The following TUBGCP5 variants were observed in gnomAD, a reference collection of about 807,000 sequenced individuals.
TUBGCP5 encodes gamma-tubulin complex component 5.
In TUBGCP5, 98 loss-of-function variants were observed where a neutral mutation model predicts 134.7. The ratio of observed to expected loss-of-function variants is 0.73; its 90% CI spans 0.62 to 0.86. The LOEUF (loss-of-function observed/expected upper bound fraction) is 0.86. Ranked by LOEUF, TUBGCP5 falls within the 40% of genes least tolerant of loss-of-function variation. TUBGCP5 has a pLI of 0.00. For synonymous variants in TUBGCP5, 456 were observed against 431.4 expected (o/e 1.06, Z -0.71); for missense variants, 1,150 against 1,244.8 (o/e 0.92, Z 1.15).
rs749348931 is a variant in TUBGCP5, at chr15:23,006,358, GA to G, written c.2328-7del. On this transcript the variant is annotated splice_region_variant and splice_polypyrimidine_tract_variant and intron_variant, in intron 16 of 22. Transcript: ENST00000615383. ...TTTCAAAAGATATAGATAGACTAAA[GA>G]AAGAAATTCCAGTTTTAGTTTGTGA... The G allele has an allele frequency of 6.3e-7, 1 of 1,586,284 alleles. No individual in the cohort carries two copies. Among genetic ancestry groups the G allele is most frequent in the African/African-American group, 1.4e-5 (1 of 73,328 alleles).
At position 23,024,247 on chromosome 15, in the gene TUBGCP5, A is replaced by G. The variant is rs1422276662; in HGVS notation, c.922-54T>C. Reference sequence around the variant, plus strand: ...AAAGGTGGTCTTCTGTAAACATTCAAATTCATTTCCCTCTCGCTGTAAAAT... The same window carrying G: ...AAAGGTGGTCTTCTGTAAACATTCAGATTCATTTCCCTCTCGCTGTAAAAT... On this transcript the variant is annotated intron_variant, in intron 9 of 22. Transcript: ENST00000615383. 2.0e-5 allele frequency: 32 copies of G among 1,580,266 alleles called. No homozygotes were observed. In the Admixed American group the frequency reaches 5.8e-4, roughly 29 times the overall value.
intron 23 of TUBGCP5, chr15:22,983,646 A>T (rs1483525043): frequency 6.6e-6 from 1 of 152,138 alleles, no homozygotes; most frequent in Non-Finnish European, 1.5e-5. Context: ...TAGACACAGT[A>T]AGACATTAAC....
At chr15:23,000,236 A>T (rs1342440474) in intron 22 of TUBGCP5, 23 of 1,204,512 alleles carry the variant, frequency 1.9e-5, no homozygotes, top group African/African-American at 1.2e-4. Context: ...AAAAATTTTT[A>T]AAAAGACTAG....
At chr15:22,997,851 C>T (rs1271257694), downstream of TUBGCP5, among the ~76,000 whole-genome samples, 1 of 149,860 alleles carries the variant, frequency 6.7e-6, no homozygotes, top group Admixed American at 6.7e-5. Context: ...CTCCTGACCT[C>T]ATGATCCACC....
At chr15:22,998,545 A>C (rs904199305), downstream of TUBGCP5, among the ~76,000 whole-genome samples, 19 of 151,014 alleles carry the variant, frequency 1.3e-4, no homozygotes, top group Non-Finnish European at 2.2e-4. Context: ...TGCAGCCTTG[A>C]CCTCCCGGTC....
chr15:22,997,537 C>T (rs1404815721), downstream of TUBGCP5, among the ~76,000 whole-genome samples: 2 of 152,026 alleles, frequency 1.3e-5, no homozygotes, highest in East Asian at 3.9e-4. Context: ...GTGTTAATTT[C>T]CCATGTTTGC....
chr15:23,005,275 C>A (rs979130496), intron 19 of TUBGCP5, among the ~76,000 whole-genome samples, 157 bp downstream of exon 19: 3 of 152,204 alleles, frequency 2.0e-5, no homozygotes, highest in African/African-American at 7.2e-5. Flanking sequence ...CAAAAACATT[C>A]CTCCCACTGC....
Position 23,019,431 on chromosome 15 carries a change from T to A in TUBGCP5, c.1372-97A>T, listed in dbSNP as rs920959236. 5.2e-6 allele frequency: 4 copies of A among 770,248 alleles called. No homozygotes were observed. The African/African-American group carries it at 5.2e-5, about 10-fold the overall frequency. 47.7% of individuals were successfully genotyped at this position (770,248 alleles called of 1,614,324 possible). A position where few individuals can be genotyped will look rare whatever the true frequency, so the allele number is the denominator to read the frequency against. ...TTCTGAAATGCCTTTAAAAAAGTGA[T>A]CGGATTTCTATGTTTTTTGGGGCAC... On this transcript the variant is annotated intron_variant, in intron 11 of 22. Coordinates refer to ENST00000615383, the MANE Select transcript of TUBGCP5 (RefSeq NM_052903.6).
chr15:23,031,146 AT>A (rs1171652725), intron 5 of TUBGCP5, 126 bp from the exon 6 acceptor site: 70 of 912,608 alleles, frequency 7.7e-5, no homozygotes, highest in South Asian at 8.8e-5. Flanking sequence ...AGAAAAACAA[AT>A]TTTTTTTTCC....
chr15:23,011,233 G>A lies in TUBGCP5; in HGVS notation c.1855C>T (p.Gln619Ter). ...TTCATCAGGTTCTCCTTGGTTGCCTGTTGCTCAGTAAGAACCTGTGGAGTG... is the reference window on the plus strand; with the variant it reads ...TTCATCAGGTTCTCCTTGGTTGCCTATTGCTCAGTAAGAACCTGTGGAGTG... ...DSTPQVLTEQ[Q>*]ATKENLMKMQ... Residue 619 changes from glutamine (Q) to a stop codon, truncating the protein, a stop_gained, in exon 14 of 23, where the codon CAG becomes TAG. Coordinates refer to ENST00000615383, the MANE Select transcript of TUBGCP5 (RefSeq NM_052903.6). LOFTEE classifies it high-confidence loss of function. 1 of 1,613,918 alleles carries A rather than the reference G, an allele frequency of 6.2e-7. No individual in the cohort carries two copies. Among genetic ancestry groups the A allele is most frequent in the Non-Finnish European group, 8.5e-7 (1 of 1,179,978 alleles).
At chr15:23,030,599 AT>A (rs1202825556) in intron 6 of TUBGCP5, among the ~76,000 whole-genome samples, 6 of 143,860 alleles carry the variant, frequency 4.2e-5, no homozygotes, top group African/African-American at 7.7e-5. Context: ...TCCTTCTCCA[AT>A]TAAAAAAAAA....
intron 3 of TUBGCP5, among the ~76,000 whole-genome samples, chr15:23,034,716 G>T (rs28884540): frequency 4.6e-5 from 7 of 152,020 alleles, no homozygotes; most frequent in African/African-American, 1.2e-4. Flanking sequence ...AAAATTAGCC[G>T]GGCGGGGTGG....
At chr15:23,012,844 C>T (rs900094566) in intron 13 of TUBGCP5, among the ~76,000 whole-genome samples, 1 of 152,128 alleles carries the variant, frequency 6.6e-6, no homozygotes, top group African/African-American at 2.4e-5. Flanking sequence ...TGGTGGCTCA[C>T]GCTTGTAATC....
At chr15:23,034,231 A>C (rs1009487354) in intron 3 of TUBGCP5, among the ~76,000 whole-genome samples, 10 of 152,168 alleles carry the variant, frequency 6.6e-5, no homozygotes, top group Non-Finnish European at 1.2e-4. Context: ...TGCCTAAGAG[A>C]TAAGCCCCCA....
rs10632423 is a variant in TUBGCP5 at position 23,030,601 on chromosome 15, TA to T, written c.622+283del. 0.13 allele frequency among the ~76,000 whole-genome samples: 15,708 copies of T among 119,400 alleles called. 1,086 individuals are homozygous for T. Among genetic ancestry groups the T allele is most frequent in the South Asian group, 0.22 (863 of 3,840 alleles). 78.3% of individuals were successfully genotyped at this position (119,400 alleles called of 152,430 possible). On this transcript the variant is annotated intron_variant, in intron 6 of 22. Coordinates refer to ENST00000615383, the MANE Select transcript of TUBGCP5 (RefSeq NM_052903.6). ...TTAGCAAAATCAGTCCTTCTCCAAT[TA>T]AAAAAAAAAAAAAAAAAGGAAACAT...
At chr15:23,007,054 G>A (rs1316074495) in intron 16 of TUBGCP5, among the ~76,000 whole-genome samples, 1 of 152,140 alleles carries the variant, frequency 6.6e-6, no homozygotes, top group Non-Finnish European at 1.5e-5. Context: ...CCAAATCAGA[G>A]ATGTCACAGG....
chr15:23,008,393 A>G (rs2064847040), intron 16 of TUBGCP5: 1 of 349,668 alleles, frequency 2.9e-6, no homozygotes, highest in Non-Finnish European at 5.3e-6. Flanking sequence ...CAGCCTCCCA[A>G]ATAGCCAGGA....
chr15:23,011,308 T>G lies in TUBGCP5; in HGVS notation c.1780A>C (p.Thr594Pro), dbSNP rs1452089977. The change falls in exon 14 of 23, where the codon ACT becomes CCT. Residue 594 changes from threonine (T) to proline (P), a missense_variant. By Grantham distance (38) the Thr-to-Pro change is conservative. Transcript: ENST00000615383. Reference protein sequence around the residue: ...ARDAERKSLYTLFLESVQSRL... With the variant: ...ARDAERKSLYPLFLESVQSRL... ...GACTGTACAGATTCCAGAAAGAGAG[T>G]GTATAAACTTTTTCTTTCTGCATCT... 6.2e-7 allele frequency: 1 copy of G among 1,611,144 alleles called. No individual in the cohort carries two copies. Among genetic ancestry groups the G allele is most frequent in the Admixed American group, 1.7e-5 (1 of 59,614 alleles).
At position 22,991,483 on chromosome 15, in the gene TUBGCP5, TAG is replaced by T. The variant is rs552349130; in HGVS notation, c.*61+5360_*61+5361del. Among the ~76,000 whole-genome samples, 23 of 152,328 alleles carry T rather than the reference TAG, an allele frequency of 1.5e-4. No individual in the cohort carries two copies. In the South Asian group the frequency reaches 1.9e-3, roughly 12 times the overall value. On this transcript the variant is annotated intron_variant and NMD_transcript_variant, in intron 23 of 23. Coordinates refer to the TUBGCP5 transcript ENST00000614508. ...GCTGGCTAAGCTGACCCAGGTTTACTAGAGTTCTTCCTGTGTTTCTGCAAGAC... is the reference window on the plus strand; with the variant it reads ...GCTGGCTAAGCTGACCCAGGTTTACTAGTTCTTCCTGTGTTTCTGCAAGAC...
Sources: gnomAD v4.1 joint callset for allele counts (sites outside exome capture counted in the v4.1 genomes callset) on GRCh38, gnomAD v4.1.1 for gene constraint, MANE v1.5 for transcripts, NCBI Gene and HGNC (gene_info 2026-07-23, HGNC 2026-07-21) for gene names.